TAB2: variants seen among roughly 807,000 people sequenced by gnomAD.
TAB2 encodes TGF-beta-activated kinase 1 and MAP3K7-binding protein 2.
In TAB2, 3 loss-of-function variants were observed where a neutral mutation model predicts 65.0. The observed-to-expected ratio is 0.05, with a 90% CI of 0.02 to 0.12. The LOEUF is 0.12. Among genes scored for constraint, TAB2 ranks in the 10% least tolerant of loss-of-function variants. TAB2 has a pLI of 1.00. For synonymous variants in TAB2, 298 were observed against 285.1 expected, an observed-to-expected ratio of 1.05 and a Z score of -0.46; for missense variants, 623 against 840.3, an observed-to-expected ratio of 0.74 and a Z score of 3.20.
intron 1 of TAB2, among the ~76,000 whole-genome samples, chr6:149,349,816 TAG>T (rs1780431046): frequency 6.6e-6 from 1 of 152,208 alleles, no homozygotes; most frequent in African/African-American, 2.4e-5. Flanking sequence ...GATGTTTATT[TAG>T]AGAGTTATGG....
intron 1 of TAB2, among the ~76,000 whole-genome samples, chr6:149,291,080 T>G (rs1175610443): frequency 6.6e-6 from 1 of 152,222 alleles, no homozygotes. Flanking sequence ...TTTCTTCTAT[T>G]TGGGGTTTTG....
At chr6:149,244,587 G>A (rs148242638) in intron 1 of TAB2, 3,182 of 152,580 alleles carry the variant, frequency 0.021, 49 homozygotes, top group South Asian at 0.068. Context: ...AGTGGCTCAC[G>A]CCTGTAATCC....
In TAB2 at chr6:149,378,283, A is replaced by T. The variant is rs753307441; in HGVS notation, c.368A>T (p.Gln123Leu). 6.2e-7 allele frequency: 1 copy of T among 1,614,238 alleles called. No homozygotes were observed. The highest frequency in any genetic ancestry group is 1.6e-4 in the Middle Eastern group (1 of 6,062). ...GGCCAGTCCAATAGTGAACTATTTC[A>T]GCAGGAGCCACAGACAGCACCAGCT... ...QGGQSNSELFQQEPQTAPAQV... is the reference protein window; with the variant it reads ...QGGQSNSELFLQEPQTAPAQV... Residue 123 changes from glutamine (Q) to leucine (L), a missense_variant, in exon 3 of 7, where the codon CAG becomes CTG. Physicochemically the swap from Gln to Leu is moderately radical, Grantham distance 113. Coordinates refer to ENST00000637181, the MANE Select transcript of TAB2 (RefSeq NM_001292034.3).
intron 2 of TAB2, among the ~76,000 whole-genome samples, chr6:149,371,267 C>T (rs1002684728): frequency 2.6e-5 from 4 of 152,098 alleles, no homozygotes; most frequent in Non-Finnish European, 5.9e-5. Flanking sequence ...GTTTTGGTCT[C>T]TCCAATCTAT....
At chr6:149,356,738 A>G (rs1004569830) in intron 1 of TAB2, among the ~76,000 whole-genome samples, 1 of 152,210 alleles carries the variant, frequency 6.6e-6, no homozygotes, top group Non-Finnish European at 1.5e-5. Flanking sequence ...GCAGGTGAGG[A>G]TGGATCTAAA....
intron 1 of TAB2, among the ~76,000 whole-genome samples, chr6:149,329,974 C>T (rs1562418656): frequency 1.3e-5 from 2 of 152,116 alleles, no homozygotes. Context: ...CCTTGTTTTA[C>T]CCCTTAAGTT....
At chr6:149,337,256 A>ATATTT (rs10529929) in intron 1 of TAB2, among the ~76,000 whole-genome samples, 132,158 of 151,668 alleles carry the variant, frequency 0.87, 57,645 homozygotes, top group Middle Eastern at 0.97. Flanking sequence ...TTAGTAATGT[A>ATATTT]TATTTTATGC....
chr6:149,219,697 G>A (rs1402702603), intron 1 of TAB2, among the ~76,000 whole-genome samples: 1 of 152,050 alleles, frequency 6.6e-6, no homozygotes, highest in Non-Finnish European at 1.5e-5. Flanking sequence ...GCATTGATGT[G>A]GTATCCTAGA....
At chr6:149,366,083 G>T (rs1297672129) in intron 1 of TAB2, among the ~76,000 whole-genome samples, 1 of 151,950 alleles carries the variant, frequency 6.6e-6, no homozygotes, top group African/African-American at 2.4e-5. Flanking sequence ...GCTCATCTTG[G>T]GCTTTGTGTC....
chr6:149,318,274 G>C (rs1279946368), intron 1 of TAB2, among the ~76,000 whole-genome samples: 4 of 23,018 alleles, frequency 1.7e-4, no homozygotes, highest in Non-Finnish European at 1.2e-3. Context: ...GCGTCCGTGC[G>C]GGGGGGGAGG....
chr6:149,346,644 G>A (rs1780315255), intron 1 of TAB2: 1 of 151,726 alleles, frequency 6.6e-6, no homozygotes, highest in Non-Finnish European at 1.5e-5. Flanking sequence ...AGTAGAGATG[G>A]GGCTTCACCA....
chr6:149,398,880 TCA>T (rs1188648954), intron 5 of TAB2, among the ~76,000 whole-genome samples: 1 of 152,136 alleles, frequency 6.6e-6, no homozygotes, highest in African/African-American at 2.4e-5. Context: ...TTGACTTCTT[TCA>T]CAGTTTACCA....
chr6:149,347,547 A>G (rs1313482298), intron 1 of TAB2, among the ~76,000 whole-genome samples: 2 of 152,136 alleles, frequency 1.3e-5, no homozygotes, highest in African/African-American at 4.8e-5. Flanking sequence ...ATTTTTGCAG[A>G]TAACTGATTA....
chr6:149,362,410 A>G (rs1780881382), intron 1 of TAB2, among the ~76,000 whole-genome samples: 1 of 152,166 alleles, frequency 6.6e-6, no homozygotes, highest in Non-Finnish European at 1.5e-5. Context: ...AGGAGGTGCC[A>G]CACACTTTTG....
At chr6:149,288,838 T>C (rs1688688410) in intron 1 of TAB2, among the ~76,000 whole-genome samples, 1 of 146,346 alleles carries the variant, frequency 6.8e-6, no homozygotes, top group African/African-American at 2.6e-5. Context: ...ACCAGAGTGA[T>C]TTTTTTTAAT....
At chr6:149,383,948 A>T (rs1781704013) in intron 3 of TAB2, among the ~76,000 whole-genome samples, 1 of 152,174 alleles carries the variant, frequency 6.6e-6, no homozygotes, top group South Asian at 2.1e-4. Flanking sequence ...CTTTGCTGGA[A>T]AATGCATCTT....
chr6:149,317,031 C>A (rs1318458347), upstream of TAB2, among the ~76,000 whole-genome samples: 1 of 150,502 alleles, frequency 6.6e-6, no homozygotes, highest in Non-Finnish European at 1.5e-5. The surrounding 1 kb of genome is among the most constrained non-coding windows in gnomAD (Gnocchi z 4.7). Context: ...GCCGCCGCAG[C>A]GCCCCGGGGT....
chr6:149,398,500 C>T (rs982784152), intron 5 of TAB2, among the ~76,000 whole-genome samples: 3 of 152,112 alleles, frequency 2.0e-5, no homozygotes, highest in Non-Finnish European at 2.9e-5. Context: ...AGTCTTTAAT[C>T]ACACTTGGGA....
At chr6:149,317,633 A>T (rs1779293546), upstream of TAB2, 1 of 108,894 alleles carries the variant, frequency 9.2e-6, no homozygotes. This position sits in a 1 kb window ranked among gnomAD's most constrained non-coding sequence, Gnocchi z 4.7. Flanking sequence ...GGCGAGCGCG[A>T]GGGGGGTGGG....
Sources: gnomAD v4.1 joint callset for allele counts (sites outside exome capture counted in the v4.1 genomes callset) on GRCh38, gnomAD v4.1.1 for gene constraint, Gnocchi (gnomAD v3.1) non-coding constraint, MANE v1.5 for transcripts, NCBI Gene and HGNC (gene_info 2026-07-23, HGNC 2026-07-21) for gene names.